SLC4A10: variants seen among roughly 807,000 people sequenced by gnomAD.
The protein encoded by SLC4A10 is solute carrier family 4 member 10.
In SLC4A10, 42 loss-of-function variants were observed where a neutral mutation model predicts 137.7. The ratio of observed to expected loss-of-function variants is 0.30; its 90% CI spans 0.24 to 0.39. The LOEUF is 0.39. SLC4A10 is among the 10% of genes least tolerant of loss of function. SLC4A10 has a pLI of 1.00. For missense variants in SLC4A10, 925 were observed against 1,355.0 expected (o/e 0.68, Z 4.98); for synonymous variants, 474 against 464.1 (o/e 1.02, Z -0.27).
chr2:161,641,213 A>T (rs533812537), intron 1 of SLC4A10, among the ~76,000 whole-genome samples: 1 of 152,122 alleles, frequency 6.6e-6, no homozygotes, highest in Non-Finnish European at 1.5e-5. Context: ...AGACAGAGAC[A>T]CTTGTTTTTA....
At chr2:161,733,668 T>C (rs780120713) in intron 1 of SLC4A10, among the ~76,000 whole-genome samples, 13 of 152,146 alleles carry the variant, frequency 8.5e-5, no homozygotes, top group Non-Finnish European at 1.9e-4. Flanking sequence ...GAATAGTAGA[T>C]TATGGGAGTA....
At chr2:161,690,792 G>C (rs2041904303) in intron 1 of SLC4A10, among the ~76,000 whole-genome samples, 1 of 152,052 alleles carries the variant, frequency 6.6e-6, no homozygotes, top group Non-Finnish European at 1.5e-5. Context: ...CCTGTGGCAG[G>C]GTGTTGGAGG....
chr2:161,857,375 G>A (rs902857039), intron 5 of SLC4A10, among the ~76,000 whole-genome samples: 4 of 151,942 alleles, frequency 2.6e-5, no homozygotes, highest in Non-Finnish European at 5.9e-5. Context: ...AGCCCAACCT[G>A]AATGTCCCAT....
chr2:161,662,853 T>C (rs987751739), intron 1 of SLC4A10, among the ~76,000 whole-genome samples: 2 of 152,196 alleles, frequency 1.3e-5, no homozygotes, highest in Non-Finnish European at 2.9e-5. Context: ...ATCTTGGAAG[T>C]GTCCATTGTG....
intron 3 of SLC4A10, 27 bp from the exon 4 acceptor site, chr2:161,839,762 T>C: frequency 6.2e-7 from 1 of 1,612,666 alleles, no homozygotes; most frequent in East Asian, 2.2e-5. Flanking sequence ...TACATGTTCA[T>C]GGTAATACAT....
At chr2:161,686,730 A>G (rs1351799922) in intron 1 of SLC4A10, among the ~76,000 whole-genome samples, 2 of 152,178 alleles carry the variant, frequency 1.3e-5, no homozygotes, top group Non-Finnish European at 2.9e-5. Flanking sequence ...TTGTAGAACA[A>G]TTTTTATTTT....
intron 1 of SLC4A10, among the ~76,000 whole-genome samples, chr2:161,730,456 TTATC>T (rs1460384799): frequency 2.6e-5 from 4 of 152,210 alleles, no homozygotes; most frequent in Non-Finnish European, 4.4e-5. Context: ...AAACAACCTA[TTATC>T]TATCTATTTA....
intron 1 of SLC4A10, among the ~76,000 whole-genome samples, chr2:161,708,278 C>A (rs887290118): frequency 6.6e-6 from 1 of 151,366 alleles, no homozygotes; most frequent in East Asian, 1.9e-4. Context: ...CTTGGTAAGT[C>A]ATAAAGCCTA....
intron 3 of SLC4A10, among the ~76,000 whole-genome samples, chr2:161,815,426 T>C (rs2056961999): frequency 6.6e-6 from 1 of 152,156 alleles, no homozygotes. Flanking sequence ...CCTTCCGCCA[T>C]GATTGTAAGT....
intron 1 of SLC4A10, among the ~76,000 whole-genome samples, chr2:161,756,252 T>C (rs2049635257): frequency 6.6e-6 from 1 of 152,182 alleles, no homozygotes; most frequent in Admixed American, 6.5e-5. Flanking sequence ...ATATGGATAT[T>C]GTAAAATTAT....
At chr2:161,844,273 G>T (rs2059362871) in intron 4 of SLC4A10, among the ~76,000 whole-genome samples, 1 of 152,116 alleles carries the variant, frequency 6.6e-6, no homozygotes, top group South Asian at 2.1e-4. Context: ...GAAGGCATTT[G>T]ATCTTCAAAA....
chr2:161,981,842 G>A (rs576712318), intron 26 of SLC4A10, among the ~76,000 whole-genome samples: 7 of 152,278 alleles, frequency 4.6e-5, no homozygotes, highest in African/African-American at 1.2e-4. Context: ...AAACCCGGGC[G>A]CCATAGACAC....
chr2:161,737,403 A>G (rs1412422735), intron 1 of SLC4A10, among the ~76,000 whole-genome samples: 9 of 151,892 alleles, frequency 5.9e-5, no homozygotes, highest in Admixed American at 5.9e-4. Flanking sequence ...TACTTTTTAT[A>G]AATACTTTAT....
At chr2:161,744,877 T>G (rs1010640284) in intron 1 of SLC4A10, among the ~76,000 whole-genome samples, 4 of 152,204 alleles carry the variant, frequency 2.6e-5, no homozygotes, top group Admixed American at 6.5e-5. Context: ...TATAAGTAAT[T>G]TACACACTTC....
chr2:161,845,399 A>G (rs1164618811), intron 4 of SLC4A10, among the ~76,000 whole-genome samples: 3 of 152,052 alleles, frequency 2.0e-5, no homozygotes, highest in Non-Finnish European at 4.4e-5. Flanking sequence ...TTTTTATGGA[A>G]AGTACCTTCT....
chr2:161,695,872 A>G (rs2042432245), intron 1 of SLC4A10, among the ~76,000 whole-genome samples: 1 of 152,124 alleles, frequency 6.6e-6, no homozygotes, highest in South Asian at 2.1e-4. Context: ...AGCAGTTACC[A>G]TGGCTACCTG....
intron 3 of SLC4A10, among the ~76,000 whole-genome samples, chr2:161,832,842 G>A (rs369362792): frequency 5.3e-5 from 8 of 152,160 alleles, no homozygotes; most frequent in Non-Finnish European, 1.0e-4. Context: ...CCGGGTTCAC[G>A]CCATTCTTCT....
chr2:161,847,409 G>T (rs1466897282), intron 4 of SLC4A10, among the ~76,000 whole-genome samples: 3 of 151,750 alleles, frequency 2.0e-5, no homozygotes, highest in African/African-American at 4.8e-5. Flanking sequence ...TGGGTAAATT[G>T]TGTGTTACAG....
At chr2:161,736,918 TGGCA>T (rs2047403138) in intron 1 of SLC4A10, among the ~76,000 whole-genome samples, 1 of 152,132 alleles carries the variant, frequency 6.6e-6, no homozygotes, top group Non-Finnish European at 1.5e-5. Flanking sequence ...CAGTGTGCAG[TGGCA>T]CAATCATTGT....
Sources: gnomAD v4.1 joint callset for allele counts (sites outside exome capture counted in the v4.1 genomes callset) on GRCh38, gnomAD v4.1.1 for gene constraint, MANE v1.5 for transcripts, NCBI Gene and HGNC (gene_info 2026-07-23, HGNC 2026-07-21) for gene names.